PHF2: variants seen among roughly 807,000 people sequenced by gnomAD.
PHF2 encodes PHD finger protein 2.
A neutral mutation model predicts 120.5 loss-of-function variants in PHF2; 27 were observed. That is an observed-to-expected ratio of 0.22 (90% CI 0.17 to 0.31). The LOEUF is 0.31. Ranked by LOEUF, PHF2 falls within the 10% of genes least tolerant of loss-of-function variation. The probability of loss-of-function intolerance (pLI) is 1.00; values close to 1 mark genes in which losing one functional copy is unlikely to be tolerated. For synonymous variants in PHF2, 568 were observed against 592.5 expected (o/e 0.96, Z 0.60); for missense variants, 1,024 against 1,434.8 (o/e 0.71, Z 4.63).
At position 93,665,878 on chromosome 9, in the gene PHF2, G is replaced by A; in HGVS notation, c.2116+14G>A. The A allele has an allele frequency of 6.2e-7, 1 of 1,612,986 alleles. No homozygotes were observed. Among genetic ancestry groups the A allele is most frequent in the African/African-American group, 1.3e-5 (1 of 75,054 alleles). ...GGGACTTGTCCTGTGAGTTGGGAGG[G>A]GGTGTTGGGGGAGGGGTGTGGGAGA... On this transcript the variant is annotated intron_variant, in intron 15 of 21. Coordinates refer to ENST00000359246, the MANE Select transcript of PHF2 (RefSeq NM_005392.4).
At chr9:93,579,681 T>C (rs1298717917) in intron 1 of PHF2, among the ~76,000 whole-genome samples, 3 of 152,176 alleles carry the variant, frequency 2.0e-5, no homozygotes, top group Admixed American at 6.5e-5. Context: ...AACACACAAC[T>C]GTTAGAGTAA....
intron 1 of PHF2, among the ~76,000 whole-genome samples, chr9:93,619,481 G>A (rs924318440): frequency 1.3e-5 from 2 of 152,242 alleles, no homozygotes; most frequent in South Asian, 2.1e-4. Flanking sequence ...CCAAGAAGGC[G>A]ACTCGTGGGG....
Position 93,678,827 on chromosome 9 carries a change from T to C in PHF2, c.*1151T>C, listed in dbSNP as rs1826969742. On this transcript the variant is annotated 3_prime_UTR_variant, in exon 22 of 22. Transcript: ENST00000359246. ...TATACGAGTTTTTTGCTGAGTCAGA[T>C]GGACAGTTGGGTTCTGATGCTTTTT... 1.3e-5 allele frequency: 2 copies of C among 154,616 alleles called. No homozygotes were observed. Among genetic ancestry groups the C allele is most frequent in the Non-Finnish European group, 2.9e-5 (2 of 69,510 alleles). 9.6% of individuals were successfully genotyped at this position (154,616 alleles called of 1,614,324 possible).
At chr9:93,673,439 T>C in intron 17 of PHF2, 146 bp from the exon 18 acceptor site, 1 of 584,524 alleles carries the variant, frequency 1.7e-6, no homozygotes. Context: ...ATCAGCTCAC[T>C]GCCACCCTCT....
rs548716794 is a variant in PHF2 at position 93,677,522 on chromosome 9, G to A, written c.3203-66G>A. ...TGTCAGCGGGACCCTCCCCCCCACCGGCATGCCACGCCCCTTGCCATCTAG... is the reference window on the plus strand; with the variant it reads ...TGTCAGCGGGACCCTCCCCCCCACCAGCATGCCACGCCCCTTGCCATCTAG... On this transcript the variant is annotated intron_variant, in intron 21 of 21. Coordinates refer to ENST00000359246, the MANE Select transcript of PHF2 (RefSeq NM_005392.4). This position sits in a 1 kb window ranked among gnomAD's most constrained non-coding sequence, Gnocchi z 4.4. 20 of 1,198,038 alleles carry A rather than the reference G, an allele frequency of 1.7e-5. No homozygotes were observed. Among genetic ancestry groups the A allele is most frequent in the Middle Eastern group, 2.2e-4 (1 of 4,454 alleles). The allele number at this position is 1,198,038 out of a possible 1,614,324, so 74.2% of individuals were successfully genotyped here. A position where few individuals can be genotyped will look rare whatever the true frequency, so the allele number is the denominator to read the frequency against.
chr9:93,581,792 C>T (rs952273127), intron 1 of PHF2, among the ~76,000 whole-genome samples: 1 of 152,126 alleles, frequency 6.6e-6, no homozygotes, highest in Admixed American at 6.5e-5. Flanking sequence ...ACGCTGCCAC[C>T]CCCAGGCATC....
intron 2 of PHF2, among the ~76,000 whole-genome samples, chr9:93,630,457 G>C (rs1321945904): frequency 1.3e-5 from 2 of 152,194 alleles, no homozygotes. Flanking sequence ...CAGCCTGTCT[G>C]TTTTCTGGGC....
intron 4 of PHF2, among the ~76,000 whole-genome samples, chr9:93,646,336 G>A (rs1826259661): frequency 6.6e-6 from 1 of 152,230 alleles, no homozygotes; most frequent in Non-Finnish European, 1.5e-5. Context: ...AGCACCTGTG[G>A]GGGTGCCGTT....
chr9:93,651,579 G>A (rs1280240642), intron 5 of PHF2, among the ~76,000 whole-genome samples: 1 of 152,134 alleles, frequency 6.6e-6, no homozygotes, highest in Non-Finnish European at 1.5e-5. Context: ...TAGCTCTTGG[G>A]GCCTGCTGCC....
In PHF2 at chr9:93,653,526, G is replaced by A. The variant is rs1826404527; in HGVS notation, c.789+161G>A. ...CAGGAGGCCTCTGGAGACATCTCTGGGTGGAGGGGCAGGGGTGCATGTGGG... is the reference window on the plus strand; with the variant it reads ...CAGGAGGCCTCTGGAGACATCTCTGAGTGGAGGGGCAGGGGTGCATGTGGG... On this transcript the variant is annotated intron_variant, in intron 6 of 21. Coordinates refer to ENST00000359246, the MANE Select transcript of PHF2 (RefSeq NM_005392.4). Among the ~76,000 whole-genome samples, 2 of 152,230 alleles carry A rather than the reference G, an allele frequency of 1.3e-5. 1 individual carries two copies. Among genetic ancestry groups the A allele is most frequent in the South Asian group, 4.1e-4 (2 of 4,834 alleles).
intron 3 of PHF2, among the ~76,000 whole-genome samples, chr9:93,644,961 G>T (rs1826229953): frequency 6.6e-6 from 1 of 152,124 alleles, no homozygotes; most frequent in South Asian, 2.1e-4. Flanking sequence ...CTCTTGTCCG[G>T]GTCCTTGGGT....
chr9:93,672,000 G>T (rs1199931665), intron 17 of PHF2, among the ~76,000 whole-genome samples: 2 of 143,208 alleles, frequency 1.4e-5, no homozygotes, highest in South Asian at 2.2e-4. Context: ...GTAGGGTCAG[G>T]TGTAGATGCA....
At chr9:93,640,956 CT>C (rs1470678330) in intron 3 of PHF2, among the ~76,000 whole-genome samples, 3 of 152,094 alleles carry the variant, frequency 2.0e-5, no homozygotes, top group Admixed American at 2.0e-4. Flanking sequence ...TTGGGTTTTC[CT>C]AAGAATTTCA....
intron 16 of PHF2, among the ~76,000 whole-genome samples, chr9:93,666,753 AC>A (rs1826688993): frequency 1.3e-5 from 2 of 151,910 alleles, no homozygotes; most frequent in South Asian, 4.2e-4. Context: ...ACATGGTGAA[AC>A]CCCATCTCTA....
At chr9:93,577,409 G>A (rs1228360904) in intron 1 of PHF2, among the ~76,000 whole-genome samples, 1 of 151,966 alleles carries the variant, frequency 6.6e-6, no homozygotes, top group East Asian at 2.0e-4. Flanking sequence ...GTCCGTGGGG[G>A]CTCCGGCGAG....
intron 14 of PHF2, among the ~76,000 whole-genome samples, chr9:93,664,637 C>T (rs527238561): frequency 2.6e-5 from 4 of 152,344 alleles, no homozygotes; most frequent in South Asian, 2.1e-4. Flanking sequence ...GGGCAACACG[C>T]GAGGCCATTC....
chr9:93,646,763 G>A (rs1312449355), intron 4 of PHF2, among the ~76,000 whole-genome samples: 1 of 152,202 alleles, frequency 6.6e-6, no homozygotes, highest in Non-Finnish European at 1.5e-5. Flanking sequence ...GCCACCCTGG[G>A]GCTACCGAGA....
intron 5 of PHF2, among the ~76,000 whole-genome samples, chr9:93,652,456 C>G (rs935843201): frequency 1.3e-5 from 2 of 151,938 alleles, no homozygotes; most frequent in African/African-American, 4.8e-5. Flanking sequence ...CCATGCCCAG[C>G]TAGTTTTTAT....
chr9:93,649,318 GA>G lies in PHF2; in HGVS notation c.602+108del, dbSNP rs112837955. ...CACAGGTCGAAGGTATCAGAGTCTG[GA>G]ATACTGCACATGGCACACACTGATT... On this transcript the variant is annotated intron_variant, in intron 5 of 21. Transcript: ENST00000359246. The G allele has an allele frequency of 1.5e-5, 12 of 818,700 alleles. No homozygotes were observed. In the African/African-American group the frequency reaches 1.7e-4, roughly 12 times the overall value. 50.7% of individuals were successfully genotyped at this position (818,700 alleles called of 1,614,324 possible).
Sources: gnomAD v4.1 joint callset for allele counts (sites outside exome capture counted in the v4.1 genomes callset) on GRCh38, gnomAD v4.1.1 for gene constraint, Gnocchi (gnomAD v3.1) non-coding constraint, MANE v1.5 for transcripts, NCBI Gene and HGNC (gene_info 2026-07-23, HGNC 2026-07-21) for gene names.